RABGAP1: variants seen among roughly 807,000 people sequenced by gnomAD.
The protein encoded by RABGAP1 is rab GTPase-activating protein 1.
In RABGAP1, 23 loss-of-function variants were observed where a neutral mutation model predicts 137.6. The observed-to-expected ratio is 0.17, with a 90% CI of 0.12 to 0.24. The LOEUF is 0.24. Among genes scored for constraint, RABGAP1 ranks in the 10% least tolerant of loss-of-function variants. RABGAP1 has a pLI of 1.00. For missense variants in RABGAP1, 906 were observed against 1,275.8 expected, an observed-to-expected ratio of 0.71 and a Z score of 4.42; for synonymous variants, 451 against 450.7, an observed-to-expected ratio of 1.00 and a Z score of -0.01.
At position 122,941,101 on chromosome 9, in the gene RABGAP1, C is replaced by G. The variant is rs917553877; in HGVS notation, c.-50+8C>G. On this transcript the variant is annotated splice_region_variant and intron_variant, in intron 1 of 25. Transcript: ENST00000373647. ...GAGGAGACGGCAGGTCGGGTAGGGCCGTGTTTCCCCTCCTCCTCCTCCCAC... is the reference window on the plus strand; with the variant it reads ...GAGGAGACGGCAGGTCGGGTAGGGCGGTGTTTCCCCTCCTCCTCCTCCCAC... 3 of 152,430 alleles carry G rather than the reference C, an allele frequency of 2.0e-5. No homozygotes were observed. Among genetic ancestry groups the G allele is most frequent in the Admixed American group, 2.0e-4 (3 of 15,294 alleles). The allele number at this position is 152,430 out of a possible 1,614,324, so 9.4% of individuals were successfully genotyped here. A position where few individuals can be genotyped will look rare whatever the true frequency, so the allele number is the denominator to read the frequency against.
intron 4 of RABGAP1, 121 bp from the exon 5 acceptor site, chr9:122,989,176 A>C (rs1211941937): frequency 5.5e-6 from 5 of 917,252 alleles, no homozygotes; most frequent in Non-Finnish European, 8.4e-6. Context: ...TTTAAGGTTA[A>C]TATCAGCATA....
chr9:122,971,835 A>G (rs1346252404), intron 2 of RABGAP1: 2 of 152,234 alleles, frequency 1.3e-5, no homozygotes, highest in African/African-American at 4.8e-5. Flanking sequence ...AGGACCAACC[A>G]TCTTAAGTGT....
At chr9:123,075,272 G>A (rs2034474471) in intron 17 of RABGAP1, among the ~76,000 whole-genome samples, 1 of 151,806 alleles carries the variant, frequency 6.6e-6, no homozygotes, top group African/African-American at 2.4e-5. Flanking sequence ...GAATAGTATG[G>A]TTTCCATATG....
intron 13 of RABGAP1, chr9:123,021,021 A>G (rs1030507250): frequency 6.8e-6 from 3 of 440,208 alleles, no homozygotes; most frequent in South Asian, 9.7e-5. Context: ...ATTTAAAGTA[A>G]TTTTCTGCAA....
chr9:123,068,394 G>A (rs1465532049), intron 14 of RABGAP1, among the ~76,000 whole-genome samples: 2 of 151,442 alleles, frequency 1.3e-5, no homozygotes, highest in African/African-American at 4.9e-5. Context: ...GACATTGGGA[G>A]TTGTGGGATT....
At chr9:123,060,795 C>G (rs977901430) in intron 13 of RABGAP1, among the ~76,000 whole-genome samples, 2 of 152,188 alleles carry the variant, frequency 1.3e-5, no homozygotes, top group Non-Finnish European at 2.9e-5. Flanking sequence ...ACGTGTACTA[C>G]ACTGCATAGA....
chr9:123,068,567 T>C (rs889349054), intron 14 of RABGAP1, among the ~76,000 whole-genome samples: 3 of 152,164 alleles, frequency 2.0e-5, no homozygotes, highest in African/African-American at 7.2e-5. Context: ...CATTTGTTAA[T>C]TGTTATTAAT....
At chr9:123,000,244 A>AT (rs879454710) in intron 10 of RABGAP1, among the ~76,000 whole-genome samples, 36 of 147,836 alleles carry the variant, frequency 2.4e-4, no homozygotes, top group South Asian at 8.5e-4. Flanking sequence ...AAGAGTCTTG[A>AT]TTTTTTTTTT....
At chr9:122,941,756 A>G (rs529788182) in intron 1 of RABGAP1, among the ~76,000 whole-genome samples, 2 of 152,368 alleles carry the variant, frequency 1.3e-5, no homozygotes, top group East Asian at 3.9e-4. Context: ...GTGTTGAGCC[A>G]AAGGATAACC....
chr9:122,983,815 CACTT>C (rs1246540392), intron 2 of RABGAP1, among the ~76,000 whole-genome samples: 2 of 152,202 alleles, frequency 1.3e-5, no homozygotes, highest in Non-Finnish European at 2.9e-5. Flanking sequence ...CTGGATTTTG[CACTT>C]ACTTGCTTCC....
intron 13 of RABGAP1, among the ~76,000 whole-genome samples, chr9:123,036,411 A>G (rs1683099182): frequency 6.6e-6 from 1 of 152,188 alleles, no homozygotes; most frequent in African/African-American, 2.4e-5. Context: ...GAATTGTTAG[A>G]TTTCTCTTTT....
intron 6 of RABGAP1, among the ~76,000 whole-genome samples, chr9:122,991,390 A>G (rs1190549254): frequency 1.3e-5 from 2 of 152,186 alleles, no homozygotes; most frequent in Non-Finnish European, 2.9e-5. Context: ...TAAAAATATG[A>G]ATATTTCTAA....
chr9:123,069,589 A>C (rs186788377), intron 14 of RABGAP1, among the ~76,000 whole-genome samples: 1 of 136,216 alleles, frequency 7.3e-6, no homozygotes, highest in Non-Finnish European at 1.6e-5. Flanking sequence ...AAAAAAAAAA[A>C]TGCAGTGTGG....
At chr9:122,931,791 C>T in the RABGAP1 span, among the ~76,000 whole-genome samples, 4 of 152,360 alleles carry the variant, frequency 2.6e-5, no homozygotes, top group East Asian at 7.7e-4. Context: ...CTGCTCGGGA[C>T]CCCCGTCTCA....
intron 21 of RABGAP1, among the ~76,000 whole-genome samples, chr9:123,095,150 C>T (rs1343030698): frequency 6.7e-6 from 1 of 149,312 alleles, no homozygotes; most frequent in Non-Finnish European, 1.5e-5. Flanking sequence ...TCACTTGAAC[C>T]CGGGAGGCAG....
chr9:122,986,455 A>G, intron 4 of RABGAP1, 36 bp downstream of exon 4: 1 of 1,584,348 alleles, frequency 6.3e-7, no homozygotes, highest in East Asian at 2.2e-5. Flanking sequence ...CGATATTTAC[A>G]TCAGATCTCT....
chr9:123,070,530 G>T lies in RABGAP1; in HGVS notation c.1983+106G>T. 2.0e-6 allele frequency: 3 copies of T among 1,521,890 alleles called. No homozygotes were observed. Among genetic ancestry groups the T allele is most frequent in the South Asian group, 1.3e-5 (1 of 75,794 alleles). 94.3% of individuals were successfully genotyped at this position (1,521,890 alleles called of 1,614,324 possible). Reference sequence around the variant, plus strand: ...TATTGGGTTTGGACAGACTCTTAAGGCATGAATTTTAACACCTATAGCTGG... The same window carrying T: ...TATTGGGTTTGGACAGACTCTTAAGTCATGAATTTTAACACCTATAGCTGG... On this transcript the variant is annotated intron_variant, in intron 15 of 25. Transcript: ENST00000373647. This position sits in a 1 kb window ranked among gnomAD's most constrained non-coding sequence, Gnocchi z 4.4.
chr9:123,096,321 C>T (rs548283885), intron 21 of RABGAP1, among the ~76,000 whole-genome samples: 6 of 148,482 alleles, frequency 4.0e-5, no homozygotes, highest in Admixed American at 7.8e-5. Context: ...CACTCTTTTA[C>T]CAAAGTAAAC....
chr9:123,078,821 ACCTTCATTATT>A (rs1170023183), intron 19 of RABGAP1, among the ~76,000 whole-genome samples: 1 of 151,994 alleles, frequency 6.6e-6, no homozygotes, highest in Non-Finnish European at 1.5e-5. Context: ...GATCACCGCC[ACCTTCATTATT>A]AACATCCTAA....
Sources: allele counts gnomAD v4.1 joint callset (sites outside exome capture counted in the v4.1 genomes callset), GRCh38; gene constraint gnomAD v4.1.1; non-coding constraint Gnocchi (gnomAD v3.1); transcripts MANE v1.5; gene names NCBI Gene and HGNC (gene_info 2026-07-23, HGNC 2026-07-21).